BRAF: variants seen among roughly 807,000 people sequenced by gnomAD.
BRAF encodes serine/threonine-protein kinase B-raf.
In BRAF, 16 loss-of-function variants were observed where a neutral mutation model predicts 104.6. That is an observed-to-expected ratio of 0.15 (90% CI 0.10 to 0.23). The LOEUF is 0.23. BRAF is among the 10% of genes least tolerant of loss of function. BRAF has a pLI of 1.00. For missense variants in BRAF, 541 were observed against 937.3 expected (o/e 0.58, Z 5.52); for synonymous variants, 310 against 341.6 (o/e 0.91, Z 1.02).
intron 10 of BRAF, 106 bp from the exon 10 acceptor site, chr7:140,783,263 G>A (rs1801053529): frequency 7.2e-6 from 10 of 1,392,940 alleles, no homozygotes; most frequent in South Asian, 1.3e-5. Context: ...AAAATGTAGT[G>A]CATGTTTAAA....
intron 12 of BRAF, 88 bp downstream of exon 11, chr7:140,781,488 T>C (rs1800864420): frequency 3.2e-6 from 4 of 1,247,860 alleles, no homozygotes; most frequent in Non-Finnish European, 4.7e-6. Flanking sequence ...ACAGTGAATA[T>C]TTCCTTTGAT....
At chr7:140,714,085 C>T in the BRAF span, among the ~76,000 whole-genome samples, 15 of 152,292 alleles carry the variant, frequency 9.8e-5, no homozygotes, top group East Asian at 3.9e-4. Context: ...TCTGCCCGTT[C>T]TCAGATCTCA....
intron 3 of BRAF, among the ~76,000 whole-genome samples, chr7:140,820,147 C>T (rs1805322866): frequency 6.6e-6 from 1 of 152,122 alleles, no homozygotes; most frequent in Non-Finnish European, 1.5e-5. Flanking sequence ...AAACAATACA[C>T]ACAGGATTCA....
chr7:140,923,789 T>G (rs1224752962), intron 1 of BRAF, among the ~76,000 whole-genome samples: 5 of 151,974 alleles, frequency 3.3e-5, no homozygotes, highest in African/African-American at 1.2e-4. Context: ...AGGACCAGGG[T>G]AAGAGAAGTG....
At chr7:140,716,317 CT>C (rs1187350784), downstream of BRAF, among the ~76,000 whole-genome samples, 2 of 152,178 alleles carry the variant, frequency 1.3e-5, no homozygotes, top group African/African-American at 4.8e-5. Context: ...TAACTTTGAT[CT>C]GTACCTTAAT....
At chr7:140,727,933 A>G (rs1277264954) in intron 19 of BRAF, among the ~76,000 whole-genome samples, 1 of 152,018 alleles carries the variant, frequency 6.6e-6, no homozygotes, top group Non-Finnish European at 1.5e-5. Context: ...CCATATCACT[A>G]TTTTTCAATA....
chr7:140,763,436 G>A (rs1021469905), intron 14 of BRAF, among the ~76,000 whole-genome samples: 4 of 152,100 alleles, frequency 2.6e-5, no homozygotes, highest in East Asian at 1.9e-4. Context: ...CTCACCTCCC[G>A]GACGAGGCAG....
At chr7:140,881,475 G>A (rs1331971761) in intron 1 of BRAF, among the ~76,000 whole-genome samples, 2 of 152,126 alleles carry the variant, frequency 1.3e-5, no homozygotes, top group South Asian at 2.1e-4. Context: ...GGCTGGTCTC[G>A]AACTCCTAGC....
chr7:140,725,311 C>A lies in BRAF; in HGVS notation c.*1183G>T. On this transcript the variant is annotated 3_prime_UTR_variant, in exon 20 of 20. Coordinates refer to ENST00000644969, the MANE Select transcript of BRAF (RefSeq NM_001374258.1). ...TAATTGAAAAATTATAAATATTTGT[C>A]ATTATGCTAAGACTCCTCATATTTA... The A allele has an allele frequency of 9.7e-7, 1 of 1,028,770 alleles. No homozygotes were observed. The highest frequency in any genetic ancestry group is 1.2e-6 in the Non-Finnish European group (1 of 852,112). 63.7% of individuals were successfully genotyped at this position (1,028,770 alleles called of 1,614,324 possible).
chr7:140,907,521 A>G (rs1816458840), intron 1 of BRAF, among the ~76,000 whole-genome samples: 1 of 152,002 alleles, frequency 6.6e-6, no homozygotes. Flanking sequence ...TCAGCCTCCC[A>G]AAGTGCTGGG....
Position 140,724,694 on chromosome 7 carries a change from A to T in BRAF, c.*1800T>A. 9.7e-7 allele frequency: 1 copy of T among 1,032,926 alleles called. No homozygotes were observed. The highest frequency in any genetic ancestry group is 1.2e-6 in the Non-Finnish European group (1 of 858,726). The allele number at this position is 1,032,926 out of a possible 1,614,324, so 64.0% of individuals were successfully genotyped here. A position where few individuals can be genotyped will look rare whatever the true frequency, so the allele number is the denominator to read the frequency against. On this transcript the variant is annotated 3_prime_UTR_variant, in exon 20 of 20. Coordinates refer to ENST00000644969, the MANE Select transcript of BRAF (RefSeq NM_001374258.1). ...AATATAGACAGCAGGGCCTGGAGTT[A>T]CAATCTGAAATTTTTAAATAACAAT...
At chr7:140,824,583 G>T (rs1019268756) in intron 3 of BRAF, among the ~76,000 whole-genome samples, 2 of 150,692 alleles carry the variant, frequency 1.3e-5, no homozygotes, top group Admixed American at 1.3e-4. Context: ...TACTTTTTTT[G>T]ACTGCTTTGG....
At chr7:140,852,333 C>A (rs1809262271) in intron 1 of BRAF, among the ~76,000 whole-genome samples, 1 of 150,688 alleles carries the variant, frequency 6.6e-6, no homozygotes, top group Non-Finnish European at 1.5e-5. Context: ...TGCACCACTA[C>A]ACTCCGGCCT....
chr7:140,913,640 G>A (rs1817266473), intron 1 of BRAF, among the ~76,000 whole-genome samples: 1 of 151,776 alleles, frequency 6.6e-6, no homozygotes, highest in Admixed American at 6.6e-5. Flanking sequence ...ATGCCACCAG[G>A]CCCAGCTAAT....
At chr7:140,884,371 G>T (rs1011985130) in intron 1 of BRAF, among the ~76,000 whole-genome samples, 1 of 149,262 alleles carries the variant, frequency 6.7e-6, no homozygotes, top group African/African-American at 2.5e-5. Flanking sequence ...ATTTAAATCA[G>T]CTCCCCATTA....
chr7:140,868,934 T>C (rs996182616), intron 1 of BRAF, among the ~76,000 whole-genome samples: 1 of 152,036 alleles, frequency 6.6e-6, no homozygotes, highest in Non-Finnish European at 1.5e-5. Flanking sequence ...CTAAATATAT[T>C]ATAAAGGTAC....
At chr7:140,765,195 G>A (rs1799184478) in intron 14 of BRAF, among the ~76,000 whole-genome samples, 1 of 152,156 alleles carries the variant, frequency 6.6e-6, no homozygotes, top group Admixed American at 6.6e-5. Flanking sequence ...ACAAGCAATG[G>A]GGAAAGGATT....
intron 12 of BRAF, chr7:140,780,070 A>G (rs996217351): frequency 1.3e-4 from 20 of 152,202 alleles, no homozygotes; most frequent in African/African-American, 4.6e-4. Context: ...ATCATAAAAT[A>G]CTGTACAGCA....
At chr7:140,770,145 GATT>G (rs995827200) in intron 14 of BRAF, among the ~76,000 whole-genome samples, 1 of 151,946 alleles carries the variant, frequency 6.6e-6, no homozygotes, top group Non-Finnish European at 1.5e-5. Flanking sequence ...TGCATTTTCT[GATT>G]ATTATTATTA....
Sources: allele counts gnomAD v4.1 joint callset (sites outside exome capture counted in the v4.1 genomes callset), GRCh38; gene constraint gnomAD v4.1.1; transcripts MANE v1.5; gene names NCBI Gene and HGNC (gene_info 2026-07-23, HGNC 2026-07-21).